TPH2: variants seen among roughly 807,000 people sequenced by gnomAD.
TPH2 encodes tryptophan hydroxylase 2, also known as tryptophan 5-hydroxylase 2.
In TPH2, 27 loss-of-function variants were observed where a neutral mutation model predicts 59.1. The observed-to-expected ratio is 0.46, with a 90% CI of 0.34 to 0.63. The LOEUF is 0.63. TPH2 is among the 30% of genes least tolerant of loss of function. The probability of loss-of-function intolerance (pLI) is 0.01; values close to 1 mark genes in which losing one functional copy is unlikely to be tolerated. For missense variants in TPH2, 523 were observed against 588.3 expected, an observed-to-expected ratio of 0.89 and a Z score of 1.15; for synonymous variants, 220 against 210.5, an observed-to-expected ratio of 1.05 and a Z score of -0.39.
chr12:72,005,536 A>C (rs1399120327), intron 8 of TPH2, among the ~76,000 whole-genome samples: 1 of 152,222 alleles, frequency 6.6e-6, no homozygotes, highest in African/African-American at 2.4e-5. Flanking sequence ...CAAGTCAAAT[A>C]AGAACTTAGT....
intron 7 of TPH2, among the ~76,000 whole-genome samples, chr12:71,989,563 G>T (rs1363462096): frequency 6.6e-6 from 1 of 152,208 alleles, no homozygotes; most frequent in African/African-American, 2.4e-5. Context: ...AAAACCTAAA[G>T]AAATATGTTT....
At chr12:72,028,885 T>A (rs1407481715) in intron 9 of TPH2, among the ~76,000 whole-genome samples, 1 of 152,226 alleles carries the variant, frequency 6.6e-6, no homozygotes, top group East Asian at 1.9e-4. Flanking sequence ...ATGGCCTGCC[T>A]CAAATTACAT....
At chr12:71,942,469 G>A (rs1450099148) in intron 2 of TPH2, among the ~76,000 whole-genome samples, 1 of 152,176 alleles carries the variant, frequency 6.6e-6, no homozygotes, top group African/African-American at 2.4e-5. Flanking sequence ...GATGAGAGCT[G>A]TTAAGATAAG....
At chr12:71,985,028 A>G (rs568715122) in intron 7 of TPH2, among the ~76,000 whole-genome samples, 3 of 152,354 alleles carry the variant, frequency 2.0e-5, no homozygotes, top group Non-Finnish European at 4.4e-5. Context: ...TCTACTATAT[A>G]TCAACTGGAC....
At chr12:72,003,320 C>T (rs1361380212) in intron 8 of TPH2, among the ~76,000 whole-genome samples, 1 of 152,114 alleles carries the variant, frequency 6.6e-6, no homozygotes. Context: ...GGGGAATGCA[C>T]TTTTATACAT....
chr12:71,988,470 A>G (rs1028227084), intron 7 of TPH2, among the ~76,000 whole-genome samples: 2 of 152,170 alleles, frequency 1.3e-5, no homozygotes, highest in Non-Finnish European at 2.9e-5. Context: ...CAAAAAGAGA[A>G]CACTTCACAT....
At chr12:71,975,979 A>T (rs1043148704) in intron 6 of TPH2, among the ~76,000 whole-genome samples, 2 of 152,234 alleles carry the variant, frequency 1.3e-5, no homozygotes, top group Non-Finnish European at 2.9e-5. Context: ...ATATCACCTC[A>T]TAAATACTGT....
chr12:72,014,777 G>T (rs1873196970), intron 8 of TPH2, among the ~76,000 whole-genome samples: 1 of 152,174 alleles, frequency 6.6e-6, no homozygotes, highest in South Asian at 2.1e-4. Flanking sequence ...TTGGCTTTAT[G>T]TGTGATTCTT....
chr12:72,025,672 G>A (rs1873548626), intron 9 of TPH2, among the ~76,000 whole-genome samples: 1 of 152,144 alleles, frequency 6.6e-6, no homozygotes, highest in Admixed American at 6.5e-5. Flanking sequence ...TGTACTTACA[G>A]GAATGCCAAA....
chr12:71,942,804 G>T (rs1871108939), intron 2 of TPH2, among the ~76,000 whole-genome samples: 1 of 152,148 alleles, frequency 6.6e-6, no homozygotes, highest in Non-Finnish European at 1.5e-5. Context: ...AAAGGATCAG[G>T]CACCATAAAC....
chr12:71,964,664 A>T, intron 5 of TPH2: 1 of 985,432 alleles, frequency 1.0e-6, no homozygotes, highest in South Asian at 4.7e-5. Context: ...TTACTGGCTA[A>T]AAATGAGAGT....
chr12:71,977,387 T>A (rs962685921), intron 6 of TPH2, among the ~76,000 whole-genome samples: 1 of 152,196 alleles, frequency 6.6e-6, no homozygotes, highest in Non-Finnish European at 1.5e-5. Flanking sequence ...GCATGAGGAC[T>A]GTAGTTAATA....
At chr12:71,951,140 C>A (rs1871333954) in intron 5 of TPH2, among the ~76,000 whole-genome samples, 1 of 152,136 alleles carries the variant, frequency 6.6e-6, no homozygotes, top group Non-Finnish European at 1.5e-5. Context: ...CAACCTCAGG[C>A]CCCCTTCTTA....
chr12:72,023,088 C>T (rs75781214), intron 9 of TPH2, among the ~76,000 whole-genome samples: 10,486 of 151,508 alleles, frequency 0.069, 921 homozygotes, highest in African/African-American at 0.2. Flanking sequence ...AAAATGGTCA[C>T]TTTTTTTTTC....
chr12:71,951,169 C>A (rs1281332541), intron 5 of TPH2, among the ~76,000 whole-genome samples: 1 of 152,148 alleles, frequency 6.6e-6, no homozygotes, highest in African/African-American at 2.4e-5. Flanking sequence ...ACCACCCCCG[C>A]TAGCCCCATG....
intron 8 of TPH2, among the ~76,000 whole-genome samples, chr12:72,006,662 A>C (rs999049834): frequency 3.3e-5 from 5 of 152,158 alleles, no homozygotes; most frequent in Non-Finnish European, 7.4e-5. Context: ...TCTTGCTAAC[A>C]TTGGACAATG....
chr12:71,995,134 C>G (rs886137934), intron 8 of TPH2, among the ~76,000 whole-genome samples: 1 of 152,140 alleles, frequency 6.6e-6, no homozygotes, highest in African/African-American at 2.4e-5. Context: ...AACAATTATT[C>G]TAAGTACAAA....
intron 8 of TPH2, among the ~76,000 whole-genome samples, chr12:71,995,001 A>G (rs542742016): frequency 9.9e-5 from 15 of 152,280 alleles, no homozygotes; most frequent in African/African-American, 2.9e-4. Flanking sequence ...CAGAAATATT[A>G]GTAATAGTAA....
chr12:72,027,270 C>A (rs142176882), intron 9 of TPH2, among the ~76,000 whole-genome samples: 1 of 152,124 alleles, frequency 6.6e-6, no homozygotes, highest in East Asian at 1.9e-4. Context: ...GGGTTTCAGA[C>A]CCCTGAGGGA....
Sources: allele counts gnomAD v4.1 joint callset (sites outside exome capture counted in the v4.1 genomes callset), GRCh38; gene constraint gnomAD v4.1.1; transcripts MANE v1.5; gene names NCBI Gene and HGNC (gene_info 2026-07-23, HGNC 2026-07-21).